PDE1C: variants seen among roughly 807,000 people sequenced by gnomAD.
The protein encoded by PDE1C is phosphodiesterase 1C.
Under a neutral mutation model 93.1 loss-of-function variants are expected in PDE1C, and 62 were observed. The ratio of observed to expected loss-of-function variants is 0.67; its 90% CI spans 0.54 to 0.82. The LOEUF (loss-of-function observed/expected upper bound fraction) is 0.82, where lower values mean the gene tolerates loss of function less well. Among genes scored for constraint, PDE1C ranks in the 40% least tolerant of loss-of-function variants. The pLI is 0.00. For synonymous variants in PDE1C, 325 were observed against 310.1 expected (o/e 1.05, Z -0.50); for missense variants, 742 against 884.6 (o/e 0.84, Z 2.04).
intron 3 of PDE1C, among the ~76,000 whole-genome samples, chr7:32,156,918 T>C (rs1215169832): frequency 6.6e-6 from 1 of 152,196 alleles, no homozygotes; most frequent in Non-Finnish European, 1.5e-5. Context: ...GTGGACAAAT[T>C]GTGAGAAACA....
At chr7:32,222,434 C>A (rs1217474734) in intron 1 of PDE1C, among the ~76,000 whole-genome samples, 2 of 152,180 alleles carry the variant, frequency 1.3e-5, no homozygotes, top group Non-Finnish European at 2.9e-5. Context: ...CGATAAAGGG[C>A]CAGTCCTGAA....
At chr7:32,238,167 A>G (rs540519001) in intron 1 of PDE1C, among the ~76,000 whole-genome samples, 1 of 152,304 alleles carries the variant, frequency 6.6e-6, no homozygotes, top group African/African-American at 2.4e-5. Context: ...TCTAAGGCTA[A>G]TAACAAAAAT....
chr7:32,275,104 T>C (rs554398806), intron 1 of PDE1C, among the ~76,000 whole-genome samples: 1 of 152,306 alleles, frequency 6.6e-6, no homozygotes, highest in East Asian at 1.9e-4. Flanking sequence ...ACAGTTAGGG[T>C]TGCATATCTA....
intron 16 of PDE1C, among the ~76,000 whole-genome samples, chr7:31,794,085 C>CAGAT (rs1326683058): frequency 5.5e-4 from 76 of 137,330 alleles, no homozygotes; most frequent in African/African-American, 2.0e-3. Context: ...GACAGACAGA[C>CAGAT]AGACAGATAG....
At chr7:31,637,369 C>G in the PDE1C span, among the ~76,000 whole-genome samples, 1 of 152,046 alleles carries the variant, frequency 6.6e-6, no homozygotes, top group Non-Finnish European at 1.5e-5. Flanking sequence ...TAAAAGTGTT[C>G]CTATTTCTCC....
At chr7:32,121,167 G>T (rs992799792) in intron 3 of PDE1C, among the ~76,000 whole-genome samples, 7 of 152,054 alleles carry the variant, frequency 4.6e-5, no homozygotes, top group African/African-American at 1.7e-4. Context: ...AAGGCATGCA[G>T]ACAAGGATAC....
At chr7:31,652,908 A>G in the PDE1C span, 1 of 1,546,008 alleles carries the variant, frequency 6.5e-7, no homozygotes, top group South Asian at 1.3e-5. Context: ...AATTTTCCCC[A>G]AGGAGAAGGG....
At chr7:31,642,229 G>T in the PDE1C span, 48 of 1,557,878 alleles carry the variant, frequency 3.1e-5, no homozygotes, top group East Asian at 3.4e-4. Flanking sequence ...CGGGTTCCTG[G>T]AGGAGCCGCT....
chr7:32,110,345 T>C (rs1011615737), intron 3 of PDE1C, among the ~76,000 whole-genome samples: 9 of 152,170 alleles, frequency 5.9e-5, no homozygotes, highest in African/African-American at 2.2e-4. Context: ...TTTAAAACCA[T>C]CAGATCTCAT....
chr7:32,064,533 G>A (rs552382024), intron 1 of PDE1C, among the ~76,000 whole-genome samples: 22 of 152,166 alleles, frequency 1.4e-4, no homozygotes, highest in South Asian at 8.3e-4. Flanking sequence ...TCCAGGCCTC[G>A]AGTCGCATCT....
At chr7:31,915,023 T>C (rs1216833270) in intron 2 of PDE1C, among the ~76,000 whole-genome samples, 1 of 152,232 alleles carries the variant, frequency 6.6e-6, no homozygotes, top group Non-Finnish European at 1.5e-5. Flanking sequence ...ACACACCGCC[T>C]GATGTAAAGC....
intron 1 of PDE1C, among the ~76,000 whole-genome samples, chr7:32,418,209 A>G (rs215750): frequency 0.63 from 95,075 of 151,728 alleles, 30,083 homozygotes; most frequent in Middle Eastern, 0.68. Flanking sequence ...ATTTCTTTCC[A>G]TGGCAGTAGC....
intron 2 of PDE1C, among the ~76,000 whole-genome samples, chr7:32,206,844 T>A: frequency 6.6e-6 from 1 of 152,210 alleles, no homozygotes. Context: ...TGTGCCTGCA[T>A]TCACACAGCG....
chr7:31,663,213 T>C, the PDE1C span, among the ~76,000 whole-genome samples: 1 of 152,160 alleles, frequency 6.6e-6, no homozygotes, highest in Non-Finnish European at 1.5e-5. Flanking sequence ...GTCATGAACT[T>C]CCTGCAGTTG....
At chr7:31,646,740 C>T in the PDE1C span, among the ~76,000 whole-genome samples, 1 of 152,148 alleles carries the variant, frequency 6.6e-6, no homozygotes, top group Non-Finnish European at 1.5e-5. Flanking sequence ...GCCCATTATG[C>T]TCAGTAACTG....
chr7:32,336,864 C>T (rs1047979282), intron 1 of PDE1C, among the ~76,000 whole-genome samples: 1 of 152,148 alleles, frequency 6.6e-6, no homozygotes, highest in Non-Finnish European at 1.5e-5. Flanking sequence ...TAATGCAGTT[C>T]TTAGCTGACA....
At chr7:32,236,906 G>A (rs1808124765) in intron 1 of PDE1C, among the ~76,000 whole-genome samples, 1 of 151,974 alleles carries the variant, frequency 6.6e-6, no homozygotes, top group African/African-American at 2.4e-5. Context: ...TTCAGTGGGT[G>A]AATAGATAAA....
At chr7:31,913,392 C>T (rs1583932383) in intron 2 of PDE1C, among the ~76,000 whole-genome samples, 1 of 150,758 alleles carries the variant, frequency 6.6e-6, no homozygotes, top group East Asian at 2.0e-4. Flanking sequence ...CATTCTATTA[C>T]AGAATGAATC....
chr7:32,075,365 GAAGTA>G (rs2128731608), upstream of PDE1C, among the ~76,000 whole-genome samples: 1 of 152,238 alleles, frequency 6.6e-6, no homozygotes, highest in South Asian at 2.1e-4. Context: ...TAGGACATCA[GAAGTA>G]GCACCACCAG....
Sources: gnomAD v4.1 joint callset for allele counts (sites outside exome capture counted in the v4.1 genomes callset) on GRCh38, gnomAD v4.1.1 for gene constraint, MANE v1.5 for transcripts, NCBI Gene and HGNC (gene_info 2026-07-23, HGNC 2026-07-21) for gene names.